TBX2: variants seen among roughly 807,000 people sequenced by gnomAD.
TBX2 encodes the protein T-box transcription factor TBX2.
TBX2 carries 19 observed loss-of-function variants against 48.4 expected under a neutral mutation model. The observed-to-expected ratio is 0.39, with a 90% CI of 0.27 to 0.58. TBX2 has a LOEUF of 0.58. Among genes scored for constraint, TBX2 ranks in the 20% least tolerant of loss-of-function variants. TBX2 has a pLI of 0.54. For synonymous variants in TBX2, 522 were observed against 459.7 expected (o/e 1.14, Z -1.73); for missense variants, 994 against 1,006.5 (o/e 0.99, Z 0.17).
rs2060289497 is a variant in TBX2, at chr17:61,406,432, C to G, written c.1686+596C>G. 6.6e-6 allele frequency: 1 copy of G among 152,224 alleles called. No homozygotes were observed. The highest frequency in any genetic ancestry group is 2.4e-5 in the African/African-American group (1 of 41,432). The allele number at this position is 152,224 out of a possible 1,614,324, so 9.4% of individuals were successfully genotyped here. A position where few individuals can be genotyped will look rare whatever the true frequency, so the allele number is the denominator to read the frequency against. ...TACCTTGAGTTCCCAGCACCCCCAG[C>G]CACATGTCAGGGATGAGAACTCAGC... On this transcript the variant is annotated intron_variant, in intron 6 of 6. Coordinates refer to ENST00000240328, the MANE Select transcript of TBX2 (RefSeq NM_005994.4). This position sits in a 1 kb window ranked among gnomAD's most constrained non-coding sequence, Gnocchi z 5.7.
rs888400512 is a variant in TBX2 at position 61,400,352 on chromosome 17, GGGCGGCGGCCGC to G, written c.186_197del (p.Ala68_Ala71del). On this transcript the variant is annotated inframe_deletion, in exon 1 of 7. Coordinates refer to ENST00000240328, the MANE Select transcript of TBX2 (RefSeq NM_005994.4). The surrounding 1 kb of genome is among the most constrained non-coding windows in gnomAD (Gnocchi z 9.2). Reference sequence around the variant, plus strand: ...CCGCTGCCCGACCCGGGCCTGGCGGGGGCGGCGGCCGCGGCGGCGGCGGCGGCAGCAGCGGCC... The same window carrying G: ...CCGCTGCCCGACCCGGGCCTGGCGGGGGCGGCGGCGGCGGCAGCAGCGGCC... 8.4e-5 allele frequency: 85 copies of G among 1,012,332 alleles called. No individual in the cohort carries two copies. The highest frequency in any genetic ancestry group is 9.6e-5 in the Non-Finnish European group (82 of 850,650). The allele number at this position is 1,012,332 out of a possible 1,614,324, so 62.7% of individuals were successfully genotyped here. A position where few individuals can be genotyped will look rare whatever the true frequency, so the allele number is the denominator to read the frequency against.
chr17:61,405,176 G>A, intron 5 of TBX2, 26 bp from the exon 6 acceptor site: 1 of 1,475,214 alleles, frequency 6.8e-7, no homozygotes, highest in Non-Finnish European at 8.9e-7. Context: ...CCAGGCCCCT[G>A]TAATCCGCGC....
chr17:61,402,208 G>T (rs377328259), intron 2 of TBX2, among the ~76,000 whole-genome samples: 1 of 152,238 alleles, frequency 6.6e-6, no homozygotes, highest in African/African-American at 2.4e-5. Flanking sequence ...GCCGTGGAGG[G>T]TCCCTTGTAC....
chr17:61,405,209 G>A lies in TBX2; in HGVS notation c.1059G>A (p.Glu353=), dbSNP rs769591434. 1 of 1,537,206 alleles carries A rather than the reference G, an allele frequency of 6.5e-7. No homozygotes were observed. The highest frequency in any genetic ancestry group is 1.2e-5 in the South Asian group (1 of 80,902). Residue 353 remains glutamate (E), a synonymous_variant, in exon 6 of 7, where the codon GAG becomes GAA. Coordinates refer to ENST00000240328, the MANE Select transcript of TBX2 (RefSeq NM_005994.4). ...PLRLHRARAE[E]KSCAADSDPE... ...CGCGCCCTCTCCCCGCAGCTGAGGA[G>A]AAGTCGTGCGCCGCGGACAGCGACC...
intron 1 of TBX2, among the ~76,000 whole-genome samples, chr17:61,401,380 C>T (rs909497435): frequency 1.1e-4 from 17 of 152,234 alleles, no homozygotes; most frequent in African/African-American, 3.6e-4. Context: ...AGGGCCTAGA[C>T]TTCTCTCCTG....
intron 6 of TBX2, chr17:61,407,137 G>A (rs2060292315): frequency 6.6e-6 from 1 of 152,242 alleles, no homozygotes; most frequent in African/African-American, 2.4e-5. Context: ...AATCCCAAGA[G>A]AACTGAAGCC....
Position 61,403,948 on chromosome 17 carries a change from G to T in TBX2, c.811-473G>T, listed in dbSNP as rs564860206. ...TGGGGTGTGTTGGATACCTGTGGAG[G>T]CATGTGAATTCGTTTGGTTCCGTAG... is the stretch of plus-strand genomic sequence containing the variant. On this transcript the variant is annotated intron_variant, in intron 3 of 6. Transcript: ENST00000240328. This position sits in a 1 kb window ranked among gnomAD's most constrained non-coding sequence, Gnocchi z 5.8. 6.6e-6 allele frequency among the ~76,000 whole-genome samples: 1 copy of T among 152,264 alleles called. No homozygotes were observed. Among genetic ancestry groups the T allele is most frequent in the South Asian group, 2.1e-4 (1 of 4,822 alleles).
Position 61,400,410 on chromosome 17 carries a change from G to A in TBX2, c.234G>A (p.Ser78=), listed in dbSNP as rs769071682. 6 of 1,522,918 alleles carry A rather than the reference G, an allele frequency of 3.9e-6. No homozygotes were observed. Among genetic ancestry groups the A allele is most frequent in the Middle Eastern group, 2.1e-4 (1 of 4,794 alleles). The allele number at this position is 1,522,918 out of a possible 1,614,324, so 94.3% of individuals were successfully genotyped here. ...CGGCCGAGGCGGGGCTGCACGTCTC[G>A]GCACTGGGCCCGCACCCGCCCGCCG... ...AAAAEAGLHV[S]ALGPHPPAAH... The change falls in exon 1 of 7, where the codon TCG becomes TCA. Residue 78 remains serine (S), a synonymous_variant. Coordinates refer to ENST00000240328, the MANE Select transcript of TBX2 (RefSeq NM_005994.4). This position sits in a 1 kb window ranked among gnomAD's most constrained non-coding sequence, Gnocchi z 9.2.
rs967921765 is a variant in TBX2, at chr17:61,400,626, G to A, written c.395+55G>A. ...CGGGCGGGCGGGCGGGCTGGGGCAC[G>A]GGACTGCACGGATCAGAGCAGAGCT... is the stretch of plus-strand genomic sequence containing the variant. On this transcript the variant is annotated intron_variant, in intron 1 of 6. Coordinates refer to ENST00000240328, the MANE Select transcript of TBX2 (RefSeq NM_005994.4). This position sits in a 1 kb window ranked among gnomAD's most constrained non-coding sequence, Gnocchi z 9.2. The A allele has an allele frequency of 8.0e-6, 12 of 1,504,136 alleles. No individual in the cohort carries two copies. Among genetic ancestry groups the A allele is most frequent in the Admixed American group, 4.0e-5 (2 of 50,224 alleles). The allele number at this position is 1,504,136 out of a possible 1,614,324, so 93.2% of individuals were successfully genotyped here.
chr17:61,402,699 T>C (rs2060268766), intron 2 of TBX2, among the ~76,000 whole-genome samples: 1 of 151,984 alleles, frequency 6.6e-6, no homozygotes, highest in African/African-American at 2.4e-5. Context: ...TTTATTTTGT[T>C]TGGGTTTCTT....
chr17:61,400,111 C>T lies in TBX2; in HGVS notation c.-66C>T, dbSNP rs1161977301. On this transcript the variant is annotated 5_prime_UTR_variant, in exon 1 of 7. Coordinates refer to ENST00000240328, the MANE Select transcript of TBX2 (RefSeq NM_005994.4). The surrounding 1 kb of genome is among the most constrained non-coding windows in gnomAD (Gnocchi z 9.2). ...CCACCGCGCGCGCCGCCGCCCGGGC[C>T]GGGGGTCCGAGCCGCGCGCCCCCGG... 37 of 900,838 alleles carry T rather than the reference C, an allele frequency of 4.1e-5. No homozygotes were observed. The highest frequency in any genetic ancestry group is 4.6e-5 in the Non-Finnish European group (35 of 755,898). The allele number at this position is 900,838 out of a possible 1,614,324, so 55.8% of individuals were successfully genotyped here. A position where few individuals can be genotyped will look rare whatever the true frequency, so the allele number is the denominator to read the frequency against.
chr17:61,407,982 A>C, intron 6 of TBX2, 72 bp from the exon 7 acceptor site: 1 of 1,494,988 alleles, frequency 6.7e-7, no homozygotes, highest in South Asian at 1.3e-5. Flanking sequence ...TGTCCAGGGG[A>C]TAGCACCCAG....
In TBX2 at chr17:61,403,820, GC is replaced by G. The variant is rs2060276338; in HGVS notation, c.811-598del. ...CAGAGCATCACCCCTCTAGGCCTGTGCCCTTGTGCGCCACTGTCGAGTGAAA... is the reference window on the plus strand; with the variant it reads ...CAGAGCATCACCCCTCTAGGCCTGTGCCTTGTGCGCCACTGTCGAGTGAAA... On this transcript the variant is annotated intron_variant, in intron 3 of 6. Transcript: ENST00000240328. The surrounding 1 kb of genome is among the most constrained non-coding windows in gnomAD (Gnocchi z 5.8). Among the ~76,000 whole-genome samples, 1 of 152,106 alleles carries G rather than the reference GC, an allele frequency of 6.6e-6. No homozygotes were observed. The highest frequency in any genetic ancestry group is 2.4e-5 in the African/African-American group (1 of 41,434).
In TBX2 at chr17:61,404,606, G is replaced by A; in HGVS notation, c.888G>A (p.Arg296=). The A allele has an allele frequency of 6.3e-7, 1 of 1,584,652 alleles. No homozygotes were observed. The highest frequency in any genetic ancestry group is 8.6e-7 in the Non-Finnish European group (1 of 1,163,344). ...ACCTGGTTCATCCGCTCATCCCCAG[G>A]AAGCAGCTGACGCTGCCGTCTCTAC... ...RDTGNGRREK[R]KQLTLPSLRL... The change falls in exon 5 of 7, where the codon AGG becomes AGA. Residue 296 remains arginine (R), a splice_region_variant and synonymous_variant. Coordinates refer to ENST00000240328, the MANE Select transcript of TBX2 (RefSeq NM_005994.4).
At chr17:61,405,156 C>A (rs1043744188) in intron 5 of TBX2, 46 bp from the exon 6 acceptor site, 4 of 1,466,166 alleles carry the variant, frequency 2.7e-6, no homozygotes, top group African/African-American at 1.4e-5. Flanking sequence ...TCCTGCTCGT[C>A]GGCCTCCGCC....
At chr17:61,401,308 C>G (rs1179127941) in intron 1 of TBX2, among the ~76,000 whole-genome samples, 1 of 152,192 alleles carries the variant, frequency 6.6e-6, no homozygotes, top group Non-Finnish European at 1.5e-5. Flanking sequence ...GCTTCCGTCC[C>G]AAGTGGGTAT....
At position 61,400,231 on chromosome 17, in the gene TBX2, C is replaced by T; in HGVS notation, c.55C>T (p.Pro19Ser). The change falls in exon 1 of 7, where the codon CCA (proline) becomes TCA (serine). Residue 19 changes from proline (P) to serine (S), a missense_variant. By Grantham distance (74) the Pro-to-Ser change is moderately conservative. Transcript: ENST00000240328. This position sits in a 1 kb window ranked among gnomAD's most constrained non-coding sequence, Gnocchi z 9.2. ...SAMAYHPFHAPRPADFPMSAF... is the reference protein window; with the variant it reads ...SAMAYHPFHASRPADFPMSAF... Reference sequence around the variant, plus strand: ...CATGGCTTACCACCCGTTCCACGCGCCACGGCCCGCCGACTTCCCCATGTC... The same window carrying T: ...CATGGCTTACCACCCGTTCCACGCGTCACGGCCCGCCGACTTCCCCATGTC... The T allele has an allele frequency of 3.3e-6, 4 of 1,221,670 alleles. No individual in the cohort carries two copies. The highest frequency in any genetic ancestry group is 4.2e-6 in the Non-Finnish European group (4 of 955,408). 75.7% of individuals were successfully genotyped at this position (1,221,670 alleles called of 1,614,324 possible).
Position 61,408,388 on chromosome 17 carries a change from C to T in TBX2, c.2021C>T (p.Ala674Val), listed in dbSNP as rs1441759858. ...AAAGTAGGGGCCCCATCCCGCGGTG[C>T]CCTGTCGCCCAGTGGCTCGGCCAAG... Reference protein sequence around the residue: ...LRKVGAPSRGALSPSGSAKEA... With the variant: ...LRKVGAPSRGVLSPSGSAKEA... The change falls in exon 7 of 7, where the codon GCC becomes GTC. Residue 674 changes from alanine (A) to valine (V), a missense_variant. Ala to Val is a moderately conservative substitution (Grantham distance 64, BLOSUM62 0). Transcript: ENST00000240328. 6.4e-7 allele frequency: 1 copy of T among 1,560,800 alleles called. No homozygotes were observed. Among genetic ancestry groups the T allele is most frequent in the East Asian group, 2.4e-5 (1 of 41,306 alleles).
chr17:61,401,533 C>A, intron 1 of TBX2, 151 bp from the exon 2 acceptor site: 1 of 1,104,420 alleles, frequency 9.1e-7, no homozygotes, highest in South Asian at 1.6e-5. Flanking sequence ...GTCGTCCGGG[C>A]AGTGATGAGA....
Sources: allele counts gnomAD v4.1 joint callset (sites outside exome capture counted in the v4.1 genomes callset), GRCh38; gene constraint gnomAD v4.1.1; non-coding constraint Gnocchi (gnomAD v3.1); transcripts MANE v1.5; gene names NCBI Gene and HGNC (gene_info 2026-07-23, HGNC 2026-07-21).